The following SNTG2 variants were observed in gnomAD, a reference collection of about 807,000 sequenced individuals.
SNTG2 encodes gamma-2-syntrophin.
Under a neutral mutation model 70.9 loss-of-function variants are expected in SNTG2, and 74 were observed. The observed-to-expected ratio is 1.04, with a 90% CI of 0.86 to 1.27. The LOEUF (loss-of-function observed/expected upper bound fraction) is 1.27, where lower values mean the gene tolerates loss of function less well. Ranked by LOEUF, SNTG2 falls within the 50% of genes most tolerant of loss-of-function variation. The pLI is 0.00. For synonymous variants in SNTG2, 278 were observed against 273.8 expected (o/e 1.02, Z -0.15); for missense variants, 717 against 690.7 (o/e 1.04, Z -0.43).
intron 7 of SNTG2, among the ~76,000 whole-genome samples, chr2:1,170,803 A>G (rs28484652): frequency 0.32 from 48,350 of 151,830 alleles, 8,245 homozygotes; most frequent in East Asian, 0.65. Flanking sequence ...GAATTATACC[A>G]CCATGAGCAT....
At chr2:1,316,240 G>T (rs1040009731) in intron 15 of SNTG2, 25 bp from the exon 16 acceptor site, 5 of 1,165,412 alleles carry the variant, frequency 4.3e-6, no homozygotes, top group African/African-American at 3.1e-5. Flanking sequence ...TTTAGAAATC[G>T]CTAATTAATT....
At chr2:1,328,968 GAC>G (rs1381559065) in intron 16 of SNTG2, among the ~76,000 whole-genome samples, 1 of 151,864 alleles carries the variant, frequency 6.6e-6, no homozygotes, top group African/African-American at 2.4e-5. Context: ...CACATACACA[GAC>G]ACATTTACAC....
At chr2:1,297,237 T>C (rs72770662) in intron 14 of SNTG2, among the ~76,000 whole-genome samples, 15,219 of 152,294 alleles carry the variant, frequency 0.1, 844 homozygotes, top group South Asian at 0.19. Flanking sequence ...TCTGTCTTCA[T>C]GCAGAATCCA....
intron 8 of SNTG2, among the ~76,000 whole-genome samples, chr2:1,175,619 T>TGG (rs1671422069): frequency 6.6e-6 from 1 of 152,256 alleles, no homozygotes; most frequent in African/African-American, 2.4e-5. Context: ...AATATTTTCC[T>TGG]ACAGAGTCTT....
chr2:958,223 T>C (rs574927409), intron 1 of SNTG2, among the ~76,000 whole-genome samples: 1 of 152,150 alleles, frequency 6.6e-6, no homozygotes, highest in East Asian at 1.9e-4. Flanking sequence ...GGCTGAGAAA[T>C]GGCCCCAAAT....
At chr2:1,330,220 T>C (rs1249314311) in intron 16 of SNTG2, among the ~76,000 whole-genome samples, 1 of 152,224 alleles carries the variant, frequency 6.6e-6, no homozygotes, top group Non-Finnish European at 1.5e-5. Context: ...GGATTATACA[T>C]GGGTCCCCTA....
intron 16 of SNTG2, among the ~76,000 whole-genome samples, chr2:1,328,957 G>A (rs890053566): frequency 2.6e-5 from 4 of 151,706 alleles, no homozygotes; most frequent in Admixed American, 2.6e-4. Context: ...ATACACATAC[G>A]CACATACACA....
intron 8 of SNTG2, among the ~76,000 whole-genome samples, chr2:1,179,190 C>A (rs1342369396): frequency 6.6e-6 from 1 of 152,088 alleles, no homozygotes; most frequent in African/African-American, 2.4e-5. Flanking sequence ...TGATTCTTCT[C>A]TCTTTTCTTC....
At chr2:1,235,562 C>A (rs112606438) in intron 9 of SNTG2, among the ~76,000 whole-genome samples, 1 of 87,862 alleles carries the variant, frequency 1.1e-5, no homozygotes, top group African/African-American at 5.7e-5. Context: ...CACCAGGCAC[C>A]CCCGATTCAT....
chr2:1,093,874 G>T (rs1437377878), intron 2 of SNTG2, among the ~76,000 whole-genome samples: 59 of 135,214 alleles, frequency 4.4e-4, no homozygotes. Flanking sequence ...ACACCAAGGT[G>T]CTGTGGGTTT....
At chr2:1,211,489 T>C (rs970998087) in intron 9 of SNTG2, among the ~76,000 whole-genome samples, 2 of 152,170 alleles carry the variant, frequency 1.3e-5, no homozygotes, top group African/African-American at 2.4e-5. Context: ...ATTAGTCCAT[T>C]TTCATACTAC....
At chr2:1,082,919 C>T (rs1664429283) in intron 1 of SNTG2, among the ~76,000 whole-genome samples, 1 of 152,216 alleles carries the variant, frequency 6.6e-6, no homozygotes, top group South Asian at 2.1e-4. Flanking sequence ...CTGATCAATA[C>T]TTCCTAGCAA....
chr2:1,354,084 G>A (rs11678090), intron 16 of SNTG2, among the ~76,000 whole-genome samples: 2,479 of 152,278 alleles, frequency 0.016, 62 homozygotes, highest in African/African-American at 0.055. Flanking sequence ...GTTGAAAACT[G>A]TGCCAAGATG....
At chr2:1,080,514 C>G (rs142369075) in intron 1 of SNTG2, among the ~76,000 whole-genome samples, 2,344 of 151,752 alleles carry the variant, frequency 0.015, 63 homozygotes, top group African/African-American at 0.054. Flanking sequence ...TTGTGTGTGT[C>G]TGTGTGCCCG....
chr2:1,049,072 G>T (rs4497902), intron 1 of SNTG2, among the ~76,000 whole-genome samples: 13,449 of 152,062 alleles, frequency 0.088, 663 homozygotes, highest in East Asian at 0.17. Flanking sequence ...TGTACTCCTA[G>T]TCCCCCTTCC....
At position 1,081,275 on chromosome 2, in the gene SNTG2, G is replaced by A. The variant is rs559667120; in HGVS notation, c.73-2243G>A. Among the ~76,000 whole-genome samples, 235 of 152,296 alleles carry A rather than the reference G, an allele frequency of 1.5e-3. 2 individuals carry two copies. The highest frequency in any genetic ancestry group is 5.5e-3 in the African/African-American group (230 of 41,580). Reference sequence around the variant, plus strand: ...TGTCATCAGGCGCCCGTGTGTGAGAGTAAATGCGGGAGGCAATGGTGAGAT... The same window carrying A: ...TGTCATCAGGCGCCCGTGTGTGAGAATAAATGCGGGAGGCAATGGTGAGAT... On this transcript the variant is annotated intron_variant, in intron 1 of 16. Coordinates refer to ENST00000308624, the MANE Select transcript of SNTG2 (RefSeq NM_018968.4).
intron 9 of SNTG2, among the ~76,000 whole-genome samples, chr2:1,209,480 A>C (rs749906214): frequency 5.3e-5 from 8 of 152,254 alleles, no homozygotes; most frequent in Non-Finnish European, 1.0e-4. Context: ...GTTACTTCTC[A>C]TGAACCAGTC....
intron 13 of SNTG2, among the ~76,000 whole-genome samples, chr2:1,266,852 C>T (rs937986522): frequency 1.4e-5 from 2 of 147,466 alleles, no homozygotes; most frequent in Non-Finnish European, 3.0e-5. Context: ...CTTCTGGGCT[C>T]AAGCCGTTCT....
At chr2:1,342,227 G>A (rs1487298992) in intron 16 of SNTG2, among the ~76,000 whole-genome samples, 3 of 86,342 alleles carry the variant, frequency 3.5e-5, no homozygotes, top group South Asian at 3.5e-4. Flanking sequence ...TATGAATTAT[G>A]TTATGATTAC....
Sources: gnomAD v4.1 joint callset for allele counts (sites outside exome capture counted in the v4.1 genomes callset) on GRCh38, gnomAD v4.1.1 for gene constraint, MANE v1.5 for transcripts, NCBI Gene and HGNC (gene_info 2026-07-23, HGNC 2026-07-21) for gene names.